Variants in SLC2A11 observed in about 807,000 individuals in gnomAD.
SLC2A11 encodes solute carrier family 2, facilitated glucose transporter member 11.
SLC2A11 carries 43 observed loss-of-function variants against 52.1 expected under a neutral mutation model. The ratio of observed to expected loss-of-function variants is 0.82; its 90% CI spans 0.65 to 1.06. The LOEUF (loss-of-function observed/expected upper bound fraction) is 1.06. SLC2A11 is among the 50% of genes least tolerant of loss of function. The probability of loss-of-function intolerance (pLI) is 0.00; values close to 1 mark genes in which losing one functional copy is unlikely to be tolerated. For synonymous variants in SLC2A11, 261 were observed against 277.6 expected, an observed-to-expected ratio of 0.94 and a Z score of 0.59; for missense variants, 582 against 654.2, an observed-to-expected ratio of 0.89 and a Z score of 1.20.
At chr22:23,857,134 C>T (rs574701335), upstream of SLC2A11, 13 of 1,184,592 alleles carry the variant, frequency 1.1e-5, no homozygotes, top group East Asian at 1.8e-4. Context: ...CTTGGCCCTC[C>T]GGAGAACGCC....
intron 2 of SLC2A11, among the ~76,000 whole-genome samples, chr22:23,864,577 C>G (rs1198086361): frequency 6.6e-6 from 1 of 152,134 alleles, no homozygotes; most frequent in African/African-American, 2.4e-5. Context: ...GCCTTGGACT[C>G]CCAAAGTGCT....
At position 23,857,954 on chromosome 22, in the gene SLC2A11, G is replaced by A. The variant is rs748758221; in HGVS notation, c.-46G>A. 19 of 1,592,170 alleles carry A rather than the reference G, an allele frequency of 1.2e-5. 1 individual carries two copies. In the South Asian group the frequency reaches 1.9e-4, roughly 16 times the overall value. The stretch of plus-strand genomic sequence containing the variant: ...GCTCACCGCTTGCTAATGGCAGCCG[G>A]GGTCTCCCTGGGACAGCAAGACCTC... On this transcript the variant is annotated 5_prime_UTR_variant, in exon 1 of 12. Transcript: ENST00000316185.
In SLC2A11 at chr22:23,884,466, G is replaced by A. The variant is rs895308844; in HGVS notation, c.1299+37G>A. 1.3e-6 allele frequency: 2 copies of A among 1,598,894 alleles called. No individual in the cohort carries two copies. The highest frequency in any genetic ancestry group is 1.1e-5 in the South Asian group (1 of 89,074). Reference sequence around the variant, plus strand: ...CCTCCCGCTGGGGGCCCTGCCTTAGGCTGTGTCCCTGTCATCCTGAGAACC... The same window carrying A: ...CCTCCCGCTGGGGGCCCTGCCTTAGACTGTGTCCCTGTCATCCTGAGAACC... On this transcript the variant is annotated intron_variant, in intron 11 of 11. Transcript: ENST00000316185. This position sits in a 1 kb window ranked among gnomAD's most constrained non-coding sequence, Gnocchi z 4.3.
At chr22:23,882,245 G>A (rs2032837367) in intron 6 of SLC2A11, 1 of 580,522 alleles carries the variant, frequency 1.7e-6, no homozygotes, top group African/African-American at 1.9e-5. Context: ...GAGAGGCAGA[G>A]AGAGAAACAC....
intron 2 of SLC2A11, chr22:23,865,865 G>C (rs2032243354): frequency 6.6e-6 from 1 of 152,228 alleles, no homozygotes; most frequent in African/African-American, 2.4e-5. Flanking sequence ...TTGAGACCTA[G>C]TTGAAAAAGA....
At chr22:23,864,636 G>A (rs563873795) in intron 2 of SLC2A11, among the ~76,000 whole-genome samples, 2 of 152,166 alleles carry the variant, frequency 1.3e-5, no homozygotes, top group South Asian at 4.2e-4. Context: ...AATTCATCAA[G>A]CATTTGAGCA....
At position 23,884,671 on chromosome 22, in the gene SLC2A11, A is replaced by G. The variant is rs752527514; in HGVS notation, c.1322A>G (p.Tyr441Cys). 21 of 1,613,642 alleles carry G rather than the reference A, an allele frequency of 1.3e-5. No homozygotes were observed. The East Asian group carries it at 2.0e-4, about 15-fold the overall frequency. The change falls in exon 12 of 12, where the codon TAT becomes TGT. Residue 441 changes from tyrosine (Y) to cysteine (C), a missense_variant. Coordinates refer to ENST00000316185, the MANE Select transcript of SLC2A11 (RefSeq NM_001024939.4). The surrounding 1 kb of genome is among the most constrained non-coding windows in gnomAD (Gnocchi z 4.3). ...CAGGAGGCCTTGTCCCACTTCCTCT[A>G]TGTCCCTTTCCTTGGTGTCTGTGTC... ...FIMEALSHFL[Y>C]VPFLGVCVCG...
At chr22:23,869,970 G>C (rs2032396952) in intron 3 of SLC2A11, 1 of 717,350 alleles carries the variant, frequency 1.4e-6, no homozygotes, top group African/African-American at 1.7e-5. Context: ...TCCCATCAAT[G>C]AAGGTGGAGT....
At position 23,884,988 on chromosome 22, in the gene SLC2A11, A is replaced by G; in HGVS notation, c.*139A>G. Reference sequence around the variant, plus strand: ...ACCCTTTGTGTGCAGACATGGCTCCAGGTGCTTAGCAATCAATGGTGAGCG... The same window carrying G: ...ACCCTTTGTGTGCAGACATGGCTCCGGGTGCTTAGCAATCAATGGTGAGCG... On this transcript the variant is annotated 3_prime_UTR_variant, in exon 12 of 12. Transcript: ENST00000316185. The surrounding 1 kb of genome is among the most constrained non-coding windows in gnomAD (Gnocchi z 4.3). 1.5e-6 allele frequency: 1 copy of G among 670,418 alleles called. No individual in the cohort carries two copies. The highest frequency in any genetic ancestry group is 2.5e-6 in the Non-Finnish European group (1 of 396,564). The allele number at this position is 670,418 out of a possible 1,614,324, so 41.5% of individuals were successfully genotyped here.
At chr22:23,869,926 C>G in intron 3 of SLC2A11, 1 of 708,100 alleles carries the variant, frequency 1.4e-6, no homozygotes, top group Non-Finnish European at 2.6e-6. Context: ...AAAGAGCCTG[C>G]CTAGTTCCCT....
chr22:23,876,024 G>A (rs2032603082), intron 4 of SLC2A11, among the ~76,000 whole-genome samples: 1 of 152,066 alleles, frequency 6.6e-6, no homozygotes, highest in African/African-American at 2.4e-5. Context: ...GCCCACTTTG[G>A]GGGGCTCTCC....
At chr22:23,862,401 C>T in intron 2 of SLC2A11, 199 bp downstream of exon 2, 1 of 566,898 alleles carries the variant, frequency 1.8e-6, no homozygotes. Context: ...TCCTGAGTCC[C>T]TAATCTCAGC....
At chr22:23,857,657 G>A, upstream of SLC2A11, 1 of 1,120,118 alleles carries the variant, frequency 8.9e-7, no homozygotes, top group South Asian at 1.4e-5. Context: ...TAAAAACGCT[G>A]AGTCCGCGCA....
chr22:23,859,130 C>CAA (rs1338817117), intron 1 of SLC2A11, among the ~76,000 whole-genome samples: 3 of 152,318 alleles, frequency 2.0e-5, no homozygotes, highest in Non-Finnish European at 2.9e-5. Flanking sequence ...GCACTGTGTT[C>CAA]GCTGCTTCCT....
intron 6 of SLC2A11, among the ~76,000 whole-genome samples, chr22:23,879,324 C>T (rs1025678716): frequency 1.3e-5 from 2 of 152,176 alleles, no homozygotes; most frequent in African/African-American, 2.4e-5. Context: ...GGTGTGATCT[C>T]AGCTCACTGC....
Position 23,884,702 on chromosome 22 carries a change from G to C in SLC2A11, c.1353G>C (p.Gly451=), listed in dbSNP as rs756149427. 3.3e-5 allele frequency: 54 copies of C among 1,612,982 alleles called. No homozygotes were observed. The highest frequency in any genetic ancestry group is 4.4e-5 in the Non-Finnish European group (52 of 1,179,644). ...YVPFLGVCVC[G]AIYTGLFLPE... ...CTTTCCTTGGTGTCTGTGTCTGTGG[G>C]GCCATCTACACTGGCCTGTTCCTTC... The change falls in exon 12 of 12, where the codon GGG becomes GGC. Residue 451 remains glycine (G), a synonymous_variant. Coordinates refer to ENST00000316185, the MANE Select transcript of SLC2A11 (RefSeq NM_001024939.4). This position sits in a 1 kb window ranked among gnomAD's most constrained non-coding sequence, Gnocchi z 4.3.
upstream of SLC2A11, chr22:23,857,577 A>AACC (rs1568980416): frequency 8.5e-6 from 10 of 1,170,986 alleles, no homozygotes; most frequent in East Asian, 5.4e-5. Flanking sequence ...GTGACCCCAA[A>AACC]CCCCCCCCCC....
At chr22:23,868,896 G>T in intron 3 of SLC2A11, 1 of 465,248 alleles carries the variant, frequency 2.1e-6, no homozygotes, top group Non-Finnish European at 3.8e-6. Flanking sequence ...AGTGCTAACT[G>T]ACCTTAAACA....
chr22:23,864,229 G>T (rs1282820777), intron 2 of SLC2A11, among the ~76,000 whole-genome samples: 1 of 152,094 alleles, frequency 6.6e-6, no homozygotes, highest in Non-Finnish European at 1.5e-5. Flanking sequence ...GAAGATAGAG[G>T]TGGGGATAGA....
Sources: gnomAD v4.1 joint callset for allele counts (sites outside exome capture counted in the v4.1 genomes callset) on GRCh38, gnomAD v4.1.1 for gene constraint, Gnocchi (gnomAD v3.1) non-coding constraint, MANE v1.5 for transcripts, NCBI Gene and HGNC (gene_info 2026-07-23, HGNC 2026-07-21) for gene names.